Variants in OR52N4 observed in about 807,000 individuals in gnomAD.
OR52N4 encodes the protein olfactory receptor family 52 subfamily N member 4, also known as olfactory receptor 52N4.
OR52N4 carries 15 observed loss-of-function variants against 15.0 expected under a neutral mutation model. That is an observed-to-expected ratio of 1.00 (90% CI 0.67 to 1.54). The LOEUF is 1.54. OR52N4 is among the 40% of genes most tolerant of loss of function. The probability of loss-of-function intolerance (pLI) is 0.00; values close to 1 mark genes in which losing one functional copy is unlikely to be tolerated. For missense variants in OR52N4, 421 were observed against 394.0 expected, an observed-to-expected ratio of 1.07 and a Z score of -0.58; for synonymous variants, 143 against 143.7, an observed-to-expected ratio of 1.00 and a Z score of 0.03.
upstream of OR52N4, among the ~76,000 whole-genome samples, chr11:5,753,079 CTA>C (rs1854222996): frequency 6.6e-6 from 1 of 152,050 alleles, no homozygotes. Context: ...CAGTTTTAGG[CTA>C]TACTACAAAT....
At chr11:5,729,838 C>A in the OR52N4 span, among the ~76,000 whole-genome samples, 2 of 152,102 alleles carry the variant, frequency 1.3e-5, no homozygotes, top group Admixed American at 6.6e-5. Context: ...CTCATATAAA[C>A]TTTTGATGTG....
Position 5,754,806 on chromosome 11 carries a change from G to T in OR52N4, c.66G>T (p.Leu22=). ...ASFILNGVPG[L]EDTQLWISFP... ...TTATTCTGAATGGAGTCCCAGGACT[G>T]GAAGACACACAACTCTGGATTTCCT... The change falls in exon 2 of 2, where the codon CTG becomes CTT. Residue 22 remains leucine, a synonymous_variant. Coordinates refer to ENST00000641350, the MANE Select transcript of OR52N4 (RefSeq NM_001005175.5). The T allele has an allele frequency of 1.2e-6, 2 of 1,613,636 alleles. No homozygotes were observed. The highest frequency in any genetic ancestry group is 4.5e-5 in the East Asian group (2 of 44,852).
the OR52N4 span, among the ~76,000 whole-genome samples, chr11:5,730,192 T>C: frequency 7.6e-6 from 1 of 131,714 alleles, no homozygotes; most frequent in Non-Finnish European, 1.6e-5. Flanking sequence ...AGTAACCATT[T>C]TTTTTTTTTT....
At chr11:5,732,393 G>C in the OR52N4 span, among the ~76,000 whole-genome samples, 1 of 151,942 alleles carries the variant, frequency 6.6e-6, no homozygotes, top group South Asian at 2.1e-4. Flanking sequence ...ACTCCAATAT[G>C]ACTTTTTCTT....
Position 5,755,555 on chromosome 11 carries a change from C to T in OR52N4, c.815C>T (p.Pro272Leu). ...FSHRFGEHII[P>L]PSCHIIVANI... ...CACCGCTTTGGGGAACACATAATCC[C>T]CCCTTCTTGCCACATCATTGTAGCC... The change falls in exon 2 of 2, where the codon CCC becomes CTC. Residue 272 changes from proline to leucine, a missense_variant. By Grantham distance (98) the Pro-to-Leu change is moderately conservative. Coordinates refer to ENST00000641350, the MANE Select transcript of OR52N4 (RefSeq NM_001005175.5). 1 of 1,613,912 alleles carries T rather than the reference C, an allele frequency of 6.2e-7. No homozygotes were observed. Among genetic ancestry groups the T allele is most frequent in the Non-Finnish European group, 8.5e-7 (1 of 1,179,830 alleles).
At chr11:5,737,662 T>C in the OR52N4 span, 2 of 548,672 alleles carry the variant, frequency 3.6e-6, no homozygotes, top group Non-Finnish European at 6.0e-6. Flanking sequence ...GCCTAAAATA[T>C]TGACAAAAGC....
At chr11:5,737,995 CAAT>C in the OR52N4 span, 1 of 155,988 alleles carries the variant, frequency 6.4e-6, no homozygotes, top group African/African-American at 2.4e-5. Context: ...CCAAATCAGT[CAAT>C]GATGAGGATT....
chr11:5,737,075 C>T, the OR52N4 span: 25 of 1,613,980 alleles, frequency 1.5e-5, no homozygotes, highest in Non-Finnish European at 2.0e-5. Context: ...TGAACACTGC[C>T]TGTGCTCTAA....
chr11:5,737,393 C>G, the OR52N4 span: 26 of 1,614,090 alleles, frequency 1.6e-5, no homozygotes, highest in African/African-American at 1.2e-4. Flanking sequence ...CATCATCCCC[C>G]CTTCCCTCAA....
chr11:5,755,228 T>C lies in OR52N4; in HGVS notation c.488T>C (p.Phe163Ser), dbSNP rs576801132. ...GTATTACTCATTATTCCCTTTACTT[T>C]CCTCACCAAGCTCCTGCCCTACTGC... ...RGVLLIIPFT[F>S]LTKLLPYCRG... is the part of the protein sequence containing the mutation. The change falls in exon 2 of 2, where the codon TTC (phenylalanine) becomes TCC (serine). Residue 163 changes from phenylalanine to serine, a missense_variant. Phe to Ser is a radical substitution (Grantham distance 155). Coordinates refer to ENST00000641350, the MANE Select transcript of OR52N4 (RefSeq NM_001005175.5). The C allele has an allele frequency of 7.4e-6, 12 of 1,614,020 alleles. No homozygotes were observed. The African/African-American group carries it at 1.5e-4, about 20-fold the overall frequency.
chr11:5,750,430 TGCTATTTACAAAG>T (rs369984568), upstream of OR52N4, among the ~76,000 whole-genome samples: 12,158 of 152,044 alleles, frequency 0.08, 605 homozygotes, highest in Middle Eastern at 0.17. Context: ...CATCCTGAGC[TGCTATTTACAAAG>T]CAATGTATAG....
rs774937620 is a variant in OR52N4 at position 5,755,533 on chromosome 11, C to T, written c.793C>T (p.Arg265Cys). Residue 265 changes from arginine to cysteine, a missense_variant, in exon 2 of 2, where the codon CGC becomes TGC. Arg to Cys is a radical substitution (Grantham distance 180). Coordinates refer to ENST00000641350, the MANE Select transcript of OR52N4 (RefSeq NM_001005175.5). ...AGCTTTCTTCTCCTTCTTTTCCCAC[C>T]GCTTTGGGGAACACATAATCCCCCC... Reference protein sequence around the residue: ...TPAFFSFFSHRFGEHIIPPSC... With the variant: ...TPAFFSFFSHCFGEHIIPPSC... The T allele has an allele frequency of 8.1e-6, 13 of 1,613,718 alleles. No homozygotes were observed. Among genetic ancestry groups the T allele is most frequent in the South Asian group, 4.4e-5 (4 of 91,074 alleles).
At chr11:5,747,921 T>C in the OR52N4 span, among the ~76,000 whole-genome samples, 1 of 152,112 alleles carries the variant, frequency 6.6e-6, no homozygotes, top group Non-Finnish European at 1.5e-5. Flanking sequence ...GGCACATAAC[T>C]ATTGTCATGA....
the OR52N4 span, among the ~76,000 whole-genome samples, chr11:5,745,023 C>G: frequency 2.6e-5 from 4 of 152,088 alleles, no homozygotes; most frequent in South Asian, 8.3e-4. Context: ...TGTTAACAAA[C>G]TAGGCACTGA....
At chr11:5,731,925 CTAATA>C in the OR52N4 span, among the ~76,000 whole-genome samples, 1 of 151,934 alleles carries the variant, frequency 6.6e-6, no homozygotes, top group Admixed American at 6.6e-5. Context: ...TTTTAATTGA[CTAATA>C]TATATAAGGG....
the OR52N4 span, chr11:5,736,522 T>G: frequency 6.2e-7 from 1 of 1,613,376 alleles, no homozygotes; most frequent in South Asian, 1.1e-5. Context: ...GAATCATGAA[T>G]CATATGTCTG....
At chr11:5,754,477 T>A (rs922374354) in intron 1 of OR52N4, among the ~76,000 whole-genome samples, 172 bp downstream of exon 1, 1 of 152,148 alleles carries the variant, frequency 6.6e-6, no homozygotes, top group South Asian at 2.1e-4. Context: ...TTGATTGGCA[T>A]CTGTGTTGAA....
At position 5,755,280 on chromosome 11, in the gene OR52N4, C is replaced by T. The variant is rs1175440239; in HGVS notation, c.540C>T (p.Tyr180=). The T allele has an allele frequency of 1.2e-6, 2 of 1,613,990 alleles. No individual in the cohort carries two copies. The highest frequency in any genetic ancestry group is 8.5e-7 in the Non-Finnish European group (1 of 1,179,996). ...GAGGCAATATACTTCCCCATACCTA[C>T]TGTGACCACATGTCTGTAGCCAAAT... ...YCRGNILPHT[Y]CDHMSVAKLS... Residue 180 remains tyrosine (Y), a synonymous_variant, in exon 2 of 2, where the codon TAC becomes TAT. Coordinates refer to ENST00000641350, the MANE Select transcript of OR52N4 (RefSeq NM_001005175.5).
At chr11:5,737,550 C>T in the OR52N4 span, 2 of 1,485,614 alleles carry the variant, frequency 1.3e-6, no homozygotes, top group Non-Finnish European at 1.8e-6. Flanking sequence ...AGTAAAATTT[C>T]AAAGAGGATA....
Sources: gnomAD v4.1 joint callset for allele counts (sites outside exome capture counted in the v4.1 genomes callset) on GRCh38, gnomAD v4.1.1 for gene constraint, MANE v1.5 for transcripts, NCBI Gene and HGNC (gene_info 2026-07-23, HGNC 2026-07-21) for gene names.